NR5A2: variants seen among roughly 807,000 people sequenced by gnomAD.
NR5A2 encodes nuclear receptor subfamily 5 group A member 2.
In NR5A2, 26 loss-of-function variants were observed where a neutral mutation model predicts 62.7. The ratio of observed to expected loss-of-function variants is 0.41; its 90% confidence interval spans 0.30 to 0.58. NR5A2 has a LOEUF of 0.58. Ranked by LOEUF, NR5A2 falls within the 20% of genes least tolerant of loss-of-function variation. NR5A2 has a pLI of 0.22. For missense variants in NR5A2, 541 were observed against 669.1 expected (o/e 0.81, Z 2.11); for synonymous variants, 246 against 241.7 (o/e 1.02, Z -0.16).
At chr1:200,096,414 C>A (rs1426601214) in intron 5 of NR5A2, among the ~76,000 whole-genome samples, 1 of 152,128 alleles carries the variant, frequency 6.6e-6, no homozygotes, top group African/African-American at 2.4e-5. Flanking sequence ...CACTCAAACA[C>A]AACAGGGTAT....
In NR5A2 at chr1:200,147,277, C is replaced by T. The variant is rs1209114355; in HGVS notation, c.1378+26322C>T. ...GGAGACCTTAGCAATGGCCCAGGTTCGCTGGCTGCATCTGCTGTGCCAGGC... is the reference window on the plus strand; with the variant it reads ...GGAGACCTTAGCAATGGCCCAGGTTTGCTGGCTGCATCTGCTGTGCCAGGC... On this transcript the variant is annotated intron_variant, in intron 7 of 7. Coordinates refer to ENST00000367362, the MANE Select transcript of NR5A2 (RefSeq NM_205860.3). This position sits in a 1 kb window ranked among gnomAD's most constrained non-coding sequence, Gnocchi z 4.9. Among the ~76,000 whole-genome samples, 8 of 152,328 alleles carry T rather than the reference C, an allele frequency of 5.3e-5. No homozygotes were observed. Among genetic ancestry groups the T allele is most frequent in the Admixed American group, 1.3e-4 (2 of 15,302 alleles).
At chr1:200,077,779 G>C (rs2821310) in intron 5 of NR5A2, among the ~76,000 whole-genome samples, 152,328 of 152,332 alleles carry the variant, frequency 1, 76,162 homozygotes, top group Middle Eastern at 1. Flanking sequence ...GTGTGGTTCC[G>C]TCTTCCTCGG....
chr1:200,168,731 A>G (rs990481591), intron 7 of NR5A2, among the ~76,000 whole-genome samples: 1 of 152,178 alleles, frequency 6.6e-6, no homozygotes, highest in African/African-American at 2.4e-5. Flanking sequence ...CAATCCCTAA[A>G]CAGCCCTGAT....
chr1:200,084,168 T>G (rs1003579445), intron 5 of NR5A2, among the ~76,000 whole-genome samples: 13 of 152,060 alleles, frequency 8.5e-5, no homozygotes, highest in Admixed American at 2.0e-4. Flanking sequence ...TTGAGGATCA[T>G]ATTTATATCT....
At chr1:200,071,880 T>C (rs1439592083) in intron 5 of NR5A2, among the ~76,000 whole-genome samples, 2 of 152,166 alleles carry the variant, frequency 1.3e-5, no homozygotes, top group African/African-American at 2.4e-5. Flanking sequence ...GTCTTAAAAA[T>C]TGATCAGTTT....
intron 7 of NR5A2, among the ~76,000 whole-genome samples, chr1:200,126,551 A>C (rs888820041): frequency 6.6e-6 from 1 of 151,916 alleles, no homozygotes; most frequent in African/African-American, 2.4e-5. Flanking sequence ...ATAATTAGCT[A>C]AAAAAAATGC....
chr1:200,142,183 GACTTC>G (rs1273316009), intron 7 of NR5A2, among the ~76,000 whole-genome samples: 2 of 109,786 alleles, frequency 1.8e-5, no homozygotes, highest in Admixed American at 2.1e-4. Context: ...TTGTTTTAAA[GACTTC>G]TTTTTTTTTT....
At chr1:200,075,012 A>G (rs989619863) in intron 5 of NR5A2, among the ~76,000 whole-genome samples, 1 of 152,120 alleles carries the variant, frequency 6.6e-6, no homozygotes, top group African/African-American at 2.4e-5. Flanking sequence ...CTGGTGAAAG[A>G]TTGTCCTCTA....
chr1:200,129,229 T>A (rs2102325183), intron 7 of NR5A2, among the ~76,000 whole-genome samples: 1 of 147,772 alleles, frequency 6.8e-6, no homozygotes, highest in Non-Finnish European at 1.5e-5. Flanking sequence ...CTTTTGAGAC[T>A]CTCTCTCTCT....
chr1:200,034,492 G>A (rs558271531), intron 1 of NR5A2, among the ~76,000 whole-genome samples: 1 of 150,912 alleles, frequency 6.6e-6, no homozygotes, highest in Admixed American at 6.7e-5. Flanking sequence ...AAGTGAAAAG[G>A]TTCTTCAGTG....
chr1:200,071,153 T>C (rs976845800), intron 5 of NR5A2, among the ~76,000 whole-genome samples: 3 of 152,212 alleles, frequency 2.0e-5, no homozygotes, highest in African/African-American at 7.2e-5. Context: ...ACTATTTTGA[T>C]TAATGTTCTT....
chr1:200,066,588 C>CTTTTTTTTTTT lies in NR5A2; in HGVS notation c.1110+17777_1110+17787dup, dbSNP rs756874909. Reference sequence around the variant, plus strand: ...CCCTGCCATCTATTTAATTAATTATCTTTTTTTTTTTTTTTTTGAGAGGGA... The same window carrying CTTTTTTTTTTT: ...CCCTGCCATCTATTTAATTAATTATCTTTTTTTTTTTTTTTTTTTTTTTTTTTTGAGAGGGA... On this transcript the variant is annotated intron_variant, in intron 5 of 7. Transcript: ENST00000367362. 5.7e-3 allele frequency among the ~76,000 whole-genome samples: 639 copies of CTTTTTTTTTTT among 113,096 alleles called. 81 individuals are homozygous for CTTTTTTTTTTT. The highest frequency in any genetic ancestry group is 0.02 in the African/African-American group (488 of 24,426). 74.2% of individuals were successfully genotyped at this position (113,096 alleles called of 152,430 possible). A position where few individuals can be genotyped will look rare whatever the true frequency, so the allele number is the denominator to read the frequency against.
intron 5 of NR5A2, among the ~76,000 whole-genome samples, chr1:200,091,707 T>A (rs1664825042): frequency 6.6e-6 from 1 of 152,050 alleles, no homozygotes; most frequent in Non-Finnish European, 1.5e-5. Flanking sequence ...ATGGTCTTGA[T>A]CTCCTGACCT....
intron 7 of NR5A2, among the ~76,000 whole-genome samples, chr1:200,131,593 C>T (rs116013752): frequency 0.013 from 1,984 of 152,240 alleles, 37 homozygotes; most frequent in African/African-American, 0.045. Context: ...TGATGTTTCT[C>T]GCTGCTTTAG....
rs542778199 is a variant in NR5A2, at chr1:200,081,767, C to T, written c.1111-29435C>T. 4.1e-3 allele frequency among the ~76,000 whole-genome samples: 589 copies of T among 145,056 alleles called. 6 individuals are homozygous for T. The highest frequency in any genetic ancestry group is 0.013 in the African/African-American group (524 of 39,736). ...TTATTCAACCTGAAACATAGTCTAC[C>T]TTTTTTTTTTTTTTAACAGCAATAG... On this transcript the variant is annotated intron_variant, in intron 5 of 7. Transcript: ENST00000367362.
chr1:200,133,576 CAT>C lies in NR5A2; in HGVS notation c.1378+12629_1378+12630del, dbSNP rs202089340. Among the ~76,000 whole-genome samples, 2,964 of 134,486 alleles carry C rather than the reference CAT, an allele frequency of 0.022. 215 individuals are homozygous for C. The East Asian group carries it at 0.27, about 12-fold the overall frequency. The allele number at this position is 134,486 out of a possible 152,430, so 88.2% of individuals were successfully genotyped here. On this transcript the variant is annotated intron_variant, in intron 7 of 7. Coordinates refer to ENST00000367362, the MANE Select transcript of NR5A2 (RefSeq NM_205860.3). ...ATATATACACACATATATATATACA[CAT>C]ATATATACACATATATATATATACA...
intron 5 of NR5A2, among the ~76,000 whole-genome samples, chr1:200,072,127 A>G (rs1039905320): frequency 6.6e-6 from 1 of 152,214 alleles, no homozygotes; most frequent in Non-Finnish European, 1.5e-5. Context: ...AAGGAATACC[A>G]GGAGTAAATC....
chr1:200,065,941 T>G lies in NR5A2; in HGVS notation c.1110+17123T>G, dbSNP rs149006110. Among the ~76,000 whole-genome samples the G allele has an allele frequency of 7.2e-3, 1,095 of 152,202 alleles. 12 individuals carry two copies. The highest frequency in any genetic ancestry group is 0.025 in the African/African-American group (1,046 of 41,518). On this transcript the variant is annotated intron_variant, in intron 5 of 7. Transcript: ENST00000367362. ...AGGTCACTACCTAAAAATCAATGATTGTGGGGGAAATAGGGCTCTTGAAAA... is the reference window on the plus strand; with the variant it reads ...AGGTCACTACCTAAAAATCAATGATGGTGGGGGAAATAGGGCTCTTGAAAA...
In NR5A2 at chr1:200,091,769, C is replaced by T. The variant is rs181664998; in HGVS notation, c.1111-19433C>T. Among the ~76,000 whole-genome samples, 35 of 152,296 alleles carry T rather than the reference C, an allele frequency of 2.3e-4. No individual in the cohort carries two copies. The East Asian group carries it at 6.8e-3, about 29-fold the overall frequency. On this transcript the variant is annotated intron_variant, in intron 5 of 7. Transcript: ENST00000367362. ...AAGTGCTGGGATTACAGGCGTGAGC[C>T]ACTGCACCTGGCCCCCTTTGCCATC...
Sources: gnomAD v4.1 joint callset for allele counts (sites outside exome capture counted in the v4.1 genomes callset) on GRCh38, gnomAD v4.1.1 for gene constraint, Gnocchi (gnomAD v3.1) non-coding constraint, MANE v1.5 for transcripts, NCBI Gene and HGNC (gene_info 2026-07-23, HGNC 2026-07-21) for gene names.